The following NIPAL1 variants were observed in gnomAD, a reference collection of about 807,000 sequenced individuals.
NIPAL1 encodes the protein magnesium transporter NIPA3.
In NIPAL1, 35 loss-of-function variants were observed where a neutral mutation model predicts 37.7. That is an observed-to-expected ratio of 0.93 (90% CI 0.71 to 1.23). The LOEUF (loss-of-function observed/expected upper bound fraction) is 1.23, where lower values mean the gene tolerates loss of function less well. Ranked by LOEUF, NIPAL1 falls within the 50% of genes most tolerant of loss-of-function variation. NIPAL1 has a pLI of 0.00. For synonymous variants in NIPAL1, 162 were observed against 183.0 expected (o/e 0.89, Z 0.93); for missense variants, 412 against 473.9 (o/e 0.87, Z 1.21).
Position 48,027,259 on chromosome 4 carries a change from C to T in NIPAL1, c.313+1925C>T, listed in dbSNP as rs535680859. On this transcript the variant is annotated intron_variant, in intron 2 of 5. Transcript: ENST00000295461. This position sits in a 1 kb window ranked among gnomAD's most constrained non-coding sequence, Gnocchi z 4.1. ...ATAAGTAAAAAGGTTAGTACCCTAA[C>T]AGAAAATAGACATGGCATATAAACA... Among the ~76,000 whole-genome samples the T allele has an allele frequency of 1.3e-5, 2 of 152,106 alleles. No individual in the cohort carries two copies. The highest frequency in any genetic ancestry group is 4.2e-4 in the South Asian group (2 of 4,818).
chr4:48,029,842 G>T (rs1021454241), intron 2 of NIPAL1, among the ~76,000 whole-genome samples: 1 of 152,040 alleles, frequency 6.6e-6, no homozygotes, highest in Non-Finnish European at 1.5e-5. Context: ...AGGTAAATGC[G>T]TAGGGAGGTT....
Position 48,016,844 on chromosome 4 carries a change from G to T in NIPAL1, c.5G>T (p.Gly2Val), listed in dbSNP as rs1401233089. 1.3e-6 allele frequency: 2 copies of T among 1,586,690 alleles called. No individual in the cohort carries two copies. The highest frequency in any genetic ancestry group is 2.7e-5 in the African/African-American group (2 of 74,470). Reference sequence around the variant, plus strand: ...CGGAAGCCCGCTCCCGGGGCCATGGGGGCACAGGTGAGGCTGCCGCCCGGA... The same window carrying T: ...CGGAAGCCCGCTCCCGGGGCCATGGTGGCACAGGTGAGGCTGCCGCCCGGA... M[G>V]AQVRLPPGEP... Residue 2 changes from glycine (G) to valine (V), a missense_variant, in exon 1 of 6, where the codon GGG becomes GTG. By Grantham distance (109) the Gly-to-Val change is moderately radical. Transcript: ENST00000295461.
intron 2 of NIPAL1, 76 bp downstream of exon 2, chr4:48,025,410 C>T (rs1715666334): frequency 5.9e-6 from 8 of 1,353,176 alleles, no homozygotes; most frequent in Non-Finnish European, 7.2e-6. Context: ...CAGCAATACT[C>T]TTATAAACTT....
rs1404197619 is a variant in NIPAL1, at chr4:48,016,791, C to T, written c.-49C>T. 37 of 1,532,356 alleles carry T rather than the reference C, an allele frequency of 2.4e-5. No individual in the cohort carries two copies. In the Admixed American group the frequency reaches 5.6e-4, roughly 23 times the overall value. 94.9% of individuals were successfully genotyped at this position (1,532,356 alleles called of 1,614,324 possible). A position where few individuals can be genotyped will look rare whatever the true frequency, so the allele number is the denominator to read the frequency against. On this transcript the variant is annotated 5_prime_UTR_variant, in exon 1 of 6. Coordinates refer to ENST00000295461, the MANE Select transcript of NIPAL1 (RefSeq NM_207330.3). The stretch of plus-strand genomic sequence containing the variant: ...CCCGCCGCGGGTGCGTGTGGAGAGG[C>T]CCAGGTGAGGAGCAAGCGCCCGCGT...
chr4:48,035,408 A>G (rs1175622057), intron 5 of NIPAL1, among the ~76,000 whole-genome samples, 154 bp from the exon 6 acceptor site: 1 of 152,226 alleles, frequency 6.6e-6, no homozygotes, highest in Non-Finnish European at 1.5e-5. Context: ...CCTTTGTAAA[A>G]TATTGAGAAC....
At chr4:48,029,854 G>A (rs1411047286) in intron 2 of NIPAL1, among the ~76,000 whole-genome samples, 2 of 151,658 alleles carry the variant, frequency 1.3e-5, no homozygotes, top group South Asian at 2.1e-4. Flanking sequence ...AGGGAGGTTC[G>A]TGAGAGCATT....
chr4:48,022,023 T>C (rs947227582), intron 1 of NIPAL1, among the ~76,000 whole-genome samples: 4 of 152,204 alleles, frequency 2.6e-5, no homozygotes, highest in South Asian at 4.1e-4. Flanking sequence ...TAGAGGACTA[T>C]TGATAGTGTC....
At chr4:48,030,214 G>C (rs959955980) in intron 3 of NIPAL1, 38 bp downstream of exon 3, 2 of 1,218,144 alleles carry the variant, frequency 1.6e-6, no homozygotes, top group Non-Finnish European at 2.4e-6. Flanking sequence ...TTATTTGTAA[G>C]ATAGTAAATA....
At chr4:48,019,152 G>C (rs1253664687) in intron 1 of NIPAL1, among the ~76,000 whole-genome samples, 1 of 152,126 alleles carries the variant, frequency 6.6e-6, no homozygotes, top group Non-Finnish European at 1.5e-5. Flanking sequence ...CAAGTAGCTG[G>C]GAATACAGGC....
rs549669849 is a variant in NIPAL1, at chr4:48,018,006, G to A, written c.46+1121G>A. 6.6e-5 allele frequency among the ~76,000 whole-genome samples: 10 copies of A among 151,916 alleles called. No homozygotes were observed. The East Asian group carries it at 7.7e-4, about 12-fold the overall frequency. On this transcript the variant is annotated intron_variant, in intron 1 of 5. Coordinates refer to ENST00000295461, the MANE Select transcript of NIPAL1 (RefSeq NM_207330.3). ...CAAACCATGCTAGCAAGGAAGAGAA[G>A]GGACACCAAAAAAAGGAGAAAAATG...
Position 48,030,139 on chromosome 4 carries a change from C to T in NIPAL1, c.333C>T (p.Tyr111=), listed in dbSNP as rs147006192. 16 of 1,604,344 alleles carry T rather than the reference C, an allele frequency of 1.0e-5. No individual in the cohort carries two copies. The African/African-American group carries it at 1.9e-4, about 19-fold the overall frequency. The change falls in exon 3 of 6, where the codon TAC becomes TAT. Residue 111 remains tyrosine (Y), a synonymous_variant. Coordinates refer to ENST00000295461, the MANE Select transcript of NIPAL1 (RefSeq NM_207330.3). The part of the protein sequence containing the change: ...FTRAGQGGHS[Y]LKEWLWWVGL... ...TTTTAGGACAAGGTGGACATTCTTA[C>T]CTGAAGGAATGGCTCTGGTGGGTAG...
Position 48,033,099 on chromosome 4 carries a change from G to C in NIPAL1, c.461+16G>C. 6.5e-7 allele frequency: 1 copy of C among 1,528,322 alleles called. No homozygotes were observed. The highest frequency in any genetic ancestry group is 1.4e-5 in the African/African-American group (1 of 73,244). The allele number at this position is 1,528,322 out of a possible 1,614,324, so 94.7% of individuals were successfully genotyped here. On this transcript the variant is annotated intron_variant, in intron 4 of 5. Transcript: ENST00000295461. ...TTCTCATAAGGTATGTGAGCAACAG[G>C]GAACTTGGCTTCTGTAGGTATTTTA...
chr4:48,019,966 A>T (rs911544888), intron 1 of NIPAL1, among the ~76,000 whole-genome samples: 1 of 152,180 alleles, frequency 6.6e-6, no homozygotes, highest in Non-Finnish European at 1.5e-5. Context: ...ATCCTGTTTT[A>T]AAAAATATAT....
At position 48,027,841 on chromosome 4, in the gene NIPAL1, A is replaced by G. The variant is rs577824496; in HGVS notation, c.314-2279A>G. ...AGGTTAAGCAGAGTGCATCTGCCCA[A>G]TGCTTGTTATTCTCTCATTGACTAA... On this transcript the variant is annotated intron_variant, in intron 2 of 5. Transcript: ENST00000295461. This position sits in a 1 kb window ranked among gnomAD's most constrained non-coding sequence, Gnocchi z 4.1. Among the ~76,000 whole-genome samples, 5 of 152,320 alleles carry G rather than the reference A, an allele frequency of 3.3e-5. No individual in the cohort carries two copies. The South Asian group carries it at 1.0e-3, about 32-fold the overall frequency.
At chr4:48,024,216 T>C (rs1715635411) in intron 1 of NIPAL1, among the ~76,000 whole-genome samples, 1 of 151,832 alleles carries the variant, frequency 6.6e-6, no homozygotes, top group Non-Finnish European at 1.5e-5. Flanking sequence ...TGATCTCAAG[T>C]GATCCACCCG....
chr4:48,032,905 A>G lies in NIPAL1; in HGVS notation c.371-88A>G, dbSNP rs1577626833. On this transcript the variant is annotated intron_variant, in intron 3 of 5. Transcript: ENST00000295461. Reference sequence around the variant, plus strand: ...TAGATCTTCCCATGTATTTGGGTTAAAAGTCCACTGCTTTGCATGAGTCAT... The same window carrying G: ...TAGATCTTCCCATGTATTTGGGTTAGAAGTCCACTGCTTTGCATGAGTCAT... The G allele has an allele frequency of 6.1e-6, 5 of 820,908 alleles. No individual in the cohort carries two copies. In the East Asian group the frequency reaches 1.0e-4, roughly 17 times the overall value. The allele number at this position is 820,908 out of a possible 1,614,324, so 50.9% of individuals were successfully genotyped here.
intron 2 of NIPAL1, among the ~76,000 whole-genome samples, chr4:48,028,185 G>A (rs1349151835): frequency 6.6e-6 from 1 of 152,064 alleles, no homozygotes; most frequent in Admixed American, 6.6e-5. Flanking sequence ...ATACTATAAG[G>A]CTATCATAAC....
In NIPAL1 at chr4:48,033,022, G is replaced by A. The variant is rs1715855896; in HGVS notation, c.400G>A (p.Ala134Thr). Residue 134 changes from alanine (A) to threonine (T), a missense_variant, in exon 4 of 6, where the codon GCT becomes ACT. Ala to Thr is a moderately conservative substitution (Grantham distance 58, BLOSUM62 0). Coordinates refer to ENST00000295461, the MANE Select transcript of NIPAL1 (RefSeq NM_207330.3). ...MGAGEAANFA[A>T]YAFAPATLVT... is the part of the protein sequence containing the mutation. ...AGCAGGAGAGGCTGCAAATTTTGCT[G>A]CTTATGCTTTTGCACCTGCCACCTT... 15 of 1,613,934 alleles carry A rather than the reference G, an allele frequency of 9.3e-6. No individual in the cohort carries two copies. Among genetic ancestry groups the A allele is most frequent in the Non-Finnish European group, 1.3e-5 (15 of 1,179,876 alleles).
intron 1 of NIPAL1, among the ~76,000 whole-genome samples, chr4:48,023,136 C>T (rs542820601): frequency 6.6e-6 from 1 of 150,970 alleles, no homozygotes; most frequent in Non-Finnish European, 1.5e-5. Context: ...TCTTGAACTC[C>T]GGGGCTCAAG....
Sources: allele counts gnomAD v4.1 joint callset (sites outside exome capture counted in the v4.1 genomes callset), GRCh38; gene constraint gnomAD v4.1.1; non-coding constraint Gnocchi (gnomAD v3.1); transcripts MANE v1.5; gene names NCBI Gene and HGNC (gene_info 2026-07-23, HGNC 2026-07-21).